TTN: variants seen among roughly 807,000 people sequenced by gnomAD.
TTN encodes connectin.
A neutral mutation model predicts 3,223.0 loss-of-function variants in TTN; 1,525 were observed. The observed-to-expected ratio is 0.47, with a 90% CI of 0.45 to 0.49. TTN has a LOEUF of 0.49. TTN is among the 20% of genes least tolerant of loss of function. The pLI is 0.00. For missense variants in TTN, 40,786 were observed against 43,424.0 expected (o/e 0.94, Z 5.40); for synonymous variants, 14,094 against 15,161.0 (o/e 0.93, Z 5.17).
At chr2:178,644,448 C>G (rs919897200) in intron 218 of TTN, 100 bp downstream of exon 218, 26 of 895,930 alleles carry the variant, frequency 2.9e-5, no homozygotes, top group Admixed American at 1.0e-4. Context: ...ACTCTCTGAT[C>G]ATTGAAAAAG....
chr2:178,598,565 A>T lies in TTN; in HGVS notation c.57052T>A (p.Ser19018Thr). ...TCAACGATGTATCCAGTTACTTTGGATCCACCATCTTTTAGTGGGGGAGAC... is the reference window on the plus strand; with the variant it reads ...TCAACGATGTATCCAGTTACTTTGGTTCCACCATCTTTTAGTGGGGGAGAC... Reference protein sequence around the residue: ...EWSPPLKDGGSKVTGYIVEYK... With the variant: ...EWSPPLKDGGTKVTGYIVEYK... Residue 19018 changes from serine (S) to threonine (T), a missense_variant, in exon 292 of 363, where the codon TCC becomes ACC. Ser to Thr is a moderately conservative substitution (Grantham distance 58). Transcript: ENST00000589042. 6.2e-7 allele frequency: 1 copy of T among 1,608,016 alleles called. No homozygotes were observed. The highest frequency in any genetic ancestry group is 8.5e-7 in the Non-Finnish European group (1 of 1,178,544).
chr2:178,783,833 A>C (rs1433951693), intron 16 of TTN, 48 bp from the exon 17 acceptor site: 4 of 1,495,380 alleles, frequency 2.7e-6, no homozygotes, highest in Non-Finnish European at 3.7e-6. Flanking sequence ...AATTAAGGGA[A>C]ATCTCATAAA....
Position 178,620,594 on chromosome 2 carries a change from T to G in TTN, c.45927A>C (p.Lys15309Asn), listed in dbSNP as rs2154211123. Residue 15309 changes from lysine (K) to asparagine (N), a missense_variant, in exon 248 of 363, where the codon AAA becomes AAC. Lys to Asn is a moderately conservative substitution (Grantham distance 94). Transcript: ENST00000589042. Reference protein sequence around the residue: ...EEDLRIVEPLKDIETMEKKSV... With the variant: ...EEDLRIVEPLNDIETMEKKSV... ...ATTTCTTCTCCATTGTTTCAATATC[T>G]TTAAGAGGCTCAACAATCCTAAGGT... The G allele has an allele frequency of 6.2e-7, 1 of 1,610,416 alleles. No homozygotes were observed. The highest frequency in any genetic ancestry group is 8.5e-7 in the Non-Finnish European group (1 of 1,178,272).
rs575971449 is a variant in TTN at position 178,681,175 on chromosome 2, T to C, written c.33248-4A>G. The C allele has an allele frequency of 1.3e-5, 20 of 1,594,892 alleles. No individual in the cohort carries two copies. The highest frequency in any genetic ancestry group is 3.6e-5 in the Admixed American group (2 of 55,714). On this transcript the variant is annotated splice_region_variant and splice_polypyrimidine_tract_variant and intron_variant, in intron 137 of 362. Transcript: ENST00000589042. Reference sequence around the variant, plus strand: ...ACTTTCTTTGGTTCTTCAGGCACTTTAAAGATATTAATTATTAAAGAGCAT... The same window carrying C: ...ACTTTCTTTGGTTCTTCAGGCACTTCAAAGATATTAATTATTAAAGAGCAT...
rs762912526 is a variant in TTN, at chr2:178,553,060, C to T, written c.89840G>A (p.Arg29947Gln). Residue 29947 changes from arginine (R) to glutamine (Q), a missense_variant, in exon 335 of 363, where the codon CGA becomes CAA. Physicochemically the swap from Arg to Gln is conservative, Grantham distance 43. Coordinates refer to ENST00000589042, the MANE Select transcript of TTN (RefSeq NM_001267550.2). The stretch of plus-strand genomic sequence containing the variant: ...ATCCCAGAGCAAAGTGACTGTGCCT[C>T]GAGAAACATGTTTAACCTGTAGTTT... ...CQKLQVKHVS[R>Q]GTVTLLWDPP... 1.5e-5 allele frequency: 24 copies of T among 1,612,370 alleles called. No individual in the cohort carries two copies. Among genetic ancestry groups the T allele is most frequent in the Non-Finnish European group, 1.9e-5 (22 of 1,179,506 alleles).
intron 218 of TTN, among the ~76,000 whole-genome samples, chr2:178,643,746 C>T (rs2061535372): frequency 6.6e-6 from 1 of 151,782 alleles, no homozygotes; most frequent in Admixed American, 6.6e-5. Context: ...GTAATTGCCT[C>T]TTTATGAAAT....
At chr2:178,736,550 A>G (rs954764381) in intron 49 of TTN, among the ~76,000 whole-genome samples, 2 of 152,200 alleles carry the variant, frequency 1.3e-5, no homozygotes, top group Non-Finnish European at 2.9e-5. Context: ...TATATGGCTT[A>G]ACTATGAATG....
At chr2:178,639,556 A>G in intron 223 of TTN, 143 bp downstream of exon 223, 2 of 836,176 alleles carry the variant, frequency 2.4e-6, no homozygotes, top group Non-Finnish European at 3.9e-6. Context: ...ACATGAAGAA[A>G]AGGTAGAAAC....
chr2:178,685,658 CTTTAA>C (rs1007866772), intron 127 of TTN, 60 bp from the exon 128 acceptor site: 46 of 1,531,968 alleles, frequency 3.0e-5, no homozygotes, highest in East Asian at 4.6e-5. Flanking sequence ...TTATTTTTAG[CTTTAA>C]TTTATCACTT....
rs191530616 is a variant in TTN at position 178,672,719 on chromosome 2, G to A, written c.34787-16C>T. On this transcript the variant is annotated splice_polypyrimidine_tract_variant and intron_variant, in intron 152 of 362. Transcript: ENST00000589042. ...TTCTTTGACACTTTAAAGATATTAG[G>A]TGTTTTAGTTAGCTGAGAATGTTCA... 20 of 1,582,670 alleles carry A rather than the reference G, an allele frequency of 1.3e-5. No individual in the cohort carries two copies. The East Asian group carries it at 4.3e-4, about 34-fold the overall frequency.
At position 178,592,577 on chromosome 2, in the gene TTN, T is replaced by C; in HGVS notation, c.59428A>G (p.Ile19810Val). 2 of 1,613,508 alleles carry C rather than the reference T, an allele frequency of 1.2e-6. No individual in the cohort carries two copies. Among genetic ancestry groups the C allele is most frequent in the Non-Finnish European group, 1.7e-6 (2 of 1,179,604 alleles). ...ACTTTTGGGAATGGCACTCCTTTGATGATGGCACTAAGTCTTAGAGTATCA... is the reference window on the plus strand; with the variant it reads ...ACTTTTGGGAATGGCACTCCTTTGACGATGGCACTAAGTCTTAGAGTATCA... Reference protein sequence around the residue: ...VGDTLRLSAIIKGVPFPKVTW... With the variant: ...VGDTLRLSAIVKGVPFPKVTW... Residue 19810 changes from isoleucine (I) to valine (V), a missense_variant, in exon 301 of 363, where the codon ATC becomes GTC. Coordinates refer to ENST00000589042, the MANE Select transcript of TTN (RefSeq NM_001267550.2).
In TTN at chr2:178,550,292, T is replaced by TA; in HGVS notation, c.91565-20dup. ...GGTGGAACTATAAAAGAAAGAGAAA[T>TA]ACTATGTATTAGTTTGGCTTAATAA... On this transcript the variant is annotated intron_variant, in intron 336 of 362. Coordinates refer to ENST00000589042, the MANE Select transcript of TTN (RefSeq NM_001267550.2). 6.3e-7 allele frequency: 1 copy of TA among 1,588,600 alleles called. No homozygotes were observed. Among genetic ancestry groups the TA allele is most frequent in the Non-Finnish European group, 8.6e-7 (1 of 1,167,798 alleles).
chr2:178,779,047 G>T lies in TTN; in HGVS notation c.4035C>A (p.Gly1345=). 1 of 1,613,988 alleles carries T rather than the reference G, an allele frequency of 6.2e-7. No individual in the cohort carries two copies. Among genetic ancestry groups the T allele is most frequent in the Non-Finnish European group, 8.5e-7 (1 of 1,179,946 alleles). The change falls in exon 24 of 363, where the codon GGC becomes GGA. Residue 1345 remains glycine, a synonymous_variant. Transcript: ENST00000589042. ...ERYQMDFLQD[G]RASLRIPVVL... ...CAACAGGTATACGCAGACTAGCTCT[G>T]CCATCTTGTAGAAAGTCCATTTGGT...
chr2:178,536,188 G>T lies in TTN; in HGVS notation c.100559C>A (p.Thr33520Asn), dbSNP rs1691426177. The T allele has an allele frequency of 6.2e-7, 1 of 1,613,416 alleles. No individual in the cohort carries two copies. Among genetic ancestry groups the T allele is most frequent in the Non-Finnish European group, 8.5e-7 (1 of 1,179,664 alleles). ...QSNATLVCKVTGHPKPIVKWY... is the reference protein window; with the variant it reads ...QSNATLVCKVNGHPKPIVKWY... ...TTTGACGATAGGTTTTGGATGACCAGTCACTTTGCAGACCAAGGTAGCATT... is the reference window on the plus strand; with the variant it reads ...TTTGACGATAGGTTTTGGATGACCATTCACTTTGCAGACCAAGGTAGCATT... The change falls in exon 357 of 363, where the codon ACT becomes AAT. Residue 33520 changes from threonine (T) to asparagine (N), a missense_variant. Transcript: ENST00000589042.
chr2:178,619,963 A>C (rs753456806), intron 249 of TTN, 25 bp downstream of exon 249: 1 of 1,601,082 alleles, frequency 6.2e-7, no homozygotes, highest in South Asian at 1.1e-5. Flanking sequence ...GTAACATTAG[A>C]ATTGTTTTTT....
At position 178,711,974 on chromosome 2, in the gene TTN, C is replaced by A. The variant is rs777547707; in HGVS notation, c.27856G>T (p.Val9286Phe). 7.7e-5 allele frequency: 124 copies of A among 1,605,068 alleles called. 1 individual carries two copies. In the East Asian group the frequency reaches 2.7e-3, roughly 35 times the overall value. Reference protein sequence around the residue: ...ICKAENSVGEVSASTFLTVQE... With the variant: ...ICKAENSVGEFSASTFLTVQE... ...ACGGTAAGGAAAGTTGATGCAGAAA[C>A]TTCTCCCACGCTGTTTTCAGCTTTG... Residue 9286 changes from valine to phenylalanine, a missense_variant, in exon 96 of 363, where the codon GTT becomes TTT. Val to Phe is a conservative substitution (Grantham distance 50). Coordinates refer to ENST00000589042, the MANE Select transcript of TTN (RefSeq NM_001267550.2).
Position 178,572,310 on chromosome 2 carries a change from C to T in TTN, c.73822G>A (p.Ala24608Thr), listed in dbSNP as rs750166986. ...EYGIGLPAET[A>T]ESVKASERPL... ...CGTTCTGATGCTTTCACAGATTCTG[C>T]GGTTTCAGCAGGCAGCCCAATGCCA... Residue 24608 changes from alanine to threonine, a missense_variant, in exon 326 of 363, where the codon GCA becomes ACA. Transcript: ENST00000589042. 1.6e-5 allele frequency: 25 copies of T among 1,611,072 alleles called. No individual in the cohort carries two copies. The highest frequency in any genetic ancestry group is 1.6e-4 in the Middle Eastern group (1 of 6,064).
At position 178,617,361 on chromosome 2, in the gene TTN, A is replaced by C; in HGVS notation, c.47724T>G (p.Arg15908=). ...RCEEGKDNWI[R]CNMKLVPELT... ...GTTCAGGGACAAGTTTCATATTGCA[A>C]CGAATCCAATTATCTTTTCCTTCTT... Residue 15908 remains arginine (R), a synonymous_variant, in exon 254 of 363, where the codon CGT becomes CGG. Coordinates refer to ENST00000589042, the MANE Select transcript of TTN (RefSeq NM_001267550.2). 6.3e-7 allele frequency: 1 copy of C among 1,583,366 alleles called. No individual in the cohort carries two copies. Among genetic ancestry groups the C allele is most frequent in the Middle Eastern group, 1.7e-4 (1 of 5,980 alleles).
At position 178,784,398 on chromosome 2, in the gene TTN, G is replaced by A. The variant is rs774199175; in HGVS notation, c.2494-47C>T. ...AAATAAAGTCATTTAACCATCCTCCGATGGCTAGCCCTCTTGGACTGAGTC... is the reference window on the plus strand; with the variant it reads ...AAATAAAGTCATTTAACCATCCTCCAATGGCTAGCCCTCTTGGACTGAGTC... On this transcript the variant is annotated intron_variant, in intron 15 of 362. Coordinates refer to ENST00000589042, the MANE Select transcript of TTN (RefSeq NM_001267550.2). The A allele has an allele frequency of 9.3e-6, 15 of 1,606,812 alleles. No homozygotes were observed. The Admixed American group carries it at 1.0e-4, about 11-fold the overall frequency.
Sources: gnomAD v4.1 joint callset for allele counts (sites outside exome capture counted in the v4.1 genomes callset) on GRCh38, gnomAD v4.1.1 for gene constraint, MANE v1.5 for transcripts, NCBI Gene and HGNC (gene_info 2026-07-23, HGNC 2026-07-21) for gene names.